The following SEZ6L variants were observed in gnomAD, a reference collection of about 807,000 sequenced individuals.
The protein encoded by SEZ6L is seizure related 6 homolog like.
In SEZ6L, 37 loss-of-function variants were observed where a neutral mutation model predicts 106.2. That is an observed-to-expected ratio of 0.35 (90% CI 0.27 to 0.46). The LOEUF (loss-of-function observed/expected upper bound fraction) is 0.46. SEZ6L is among the 20% of genes least tolerant of loss of function. SEZ6L has a pLI of 1.00. For missense variants in SEZ6L, 1,172 were observed against 1,332.8 expected (o/e 0.88, Z 1.88); for synonymous variants, 541 against 570.4 (o/e 0.95, Z 0.73).
intron 1 of SEZ6L, among the ~76,000 whole-genome samples, chr22:26,230,840 C>A (rs1187411767): frequency 6.6e-6 from 1 of 152,160 alleles, no homozygotes; most frequent in Non-Finnish European, 1.5e-5. Flanking sequence ...TCTAGGGAAC[C>A]AAAAGGAGGC....
intron 1 of SEZ6L, among the ~76,000 whole-genome samples, chr22:26,196,612 G>T (rs1167907236): frequency 1.3e-5 from 2 of 152,124 alleles, no homozygotes; most frequent in Non-Finnish European, 2.9e-5. Context: ...TTGTGTGATG[G>T]GTCTGAGCTT....
At position 26,311,025 on chromosome 22, in the gene SEZ6L, A is replaced by T. The variant is rs187371840; in HGVS notation, c.1681+189A>T. ...TAACAATGCCTATCATTAACTGTGCACTTACTACGTGCTCAGTGCCTTCTG... is the reference window on the plus strand; with the variant it reads ...TAACAATGCCTATCATTAACTGTGCTCTTACTACGTGCTCAGTGCCTTCTG... On this transcript the variant is annotated intron_variant, in intron 7 of 16. Transcript: ENST00000248933. Among the ~76,000 whole-genome samples the T allele has an allele frequency of 5.9e-5, 9 of 152,270 alleles. No individual in the cohort carries two copies. In the East Asian group the frequency reaches 1.7e-3, roughly 29 times the overall value.
In SEZ6L at chr22:26,313,881, G is replaced by A. The variant is rs150114413; in HGVS notation, c.1994G>A (p.Arg665Gln). The A allele has an allele frequency of 1.6e-4, 262 of 1,607,266 alleles. No homozygotes were observed. Among genetic ancestry groups the A allele is most frequent in the Non-Finnish European group, 2.1e-4 (241 of 1,174,234 alleles). Residue 665 changes from arginine (R) to glutamine (Q), a missense_variant, in exon 9 of 17, where the codon CGG becomes CAG. Coordinates refer to ENST00000248933, the MANE Select transcript of SEZ6L (RefSeq NM_021115.5). ...AAGATCCACGTGGGAGAAGAGAAAC[G>A]GATCTTCTTAGATATCCAGTTGTGA... ...IWKIHVGEEK[R>Q]IFLDIQFLNL... is the part of the protein sequence containing the mutation.
intron 13 of SEZ6L, among the ~76,000 whole-genome samples, chr22:26,370,004 T>G (rs115613058): frequency 1.5e-3 from 233 of 152,356 alleles, no homozygotes; most frequent in African/African-American, 5.4e-3. Flanking sequence ...GTAAACCCTC[T>G]AACTGTCACA....
intron 1 of SEZ6L, among the ~76,000 whole-genome samples, chr22:26,201,839 A>G (rs134769): frequency 0.69 from 104,510 of 152,080 alleles, 37,652 homozygotes; most frequent in African/African-American, 0.92. Context: ...ACCAATACAT[A>G]GTAACTGATA....
At chr22:26,173,950 T>C (rs1938800533) in intron 1 of SEZ6L, among the ~76,000 whole-genome samples, 1 of 152,204 alleles carries the variant, frequency 6.6e-6, no homozygotes, top group Admixed American at 6.5e-5. Flanking sequence ...TGTCATTACA[T>C]TGGTGATAAG....
intron 12 of SEZ6L, among the ~76,000 whole-genome samples, chr22:26,352,160 CAAAA>C (rs3071657): frequency 8.3e-6 from 1 of 121,168 alleles, no homozygotes. Context: ...GACCCTGCCT[CAAAA>C]AAAAAAAAAA....
intron 1 of SEZ6L, among the ~76,000 whole-genome samples, chr22:26,183,329 C>T (rs891855454): frequency 1.3e-5 from 2 of 152,160 alleles, no homozygotes; most frequent in Non-Finnish European, 2.9e-5. Flanking sequence ...AAGAACTTAT[C>T]TAACCATTCT....
chr22:26,318,872 T>C (rs2082077786), intron 9 of SEZ6L, among the ~76,000 whole-genome samples: 2 of 152,152 alleles, frequency 1.3e-5, no homozygotes, highest in South Asian at 4.1e-4. Flanking sequence ...GGGGAAAGAA[T>C]CAAACAACGA....
intron 1 of SEZ6L, among the ~76,000 whole-genome samples, chr22:26,252,772 A>G (rs1407808091): frequency 6.6e-6 from 1 of 152,240 alleles, no homozygotes; most frequent in Admixed American, 6.5e-5. Flanking sequence ...TTATGGCTGC[A>G]TAGTATTTCA....
chr22:26,364,801 T>C (rs1434169662), intron 12 of SEZ6L: 1 of 154,034 alleles, frequency 6.5e-6, no homozygotes, highest in African/African-American at 2.4e-5. Context: ...CAATTCACGG[T>C]AGGAGGCATC....
At chr22:26,203,944 G>A (rs1941142147) in intron 1 of SEZ6L, among the ~76,000 whole-genome samples, 1 of 152,186 alleles carries the variant, frequency 6.6e-6, no homozygotes, top group Non-Finnish European at 1.5e-5. Flanking sequence ...CCCTACATTT[G>A]ATGAGGCAAG....
At chr22:26,203,749 A>G (rs914925502) in intron 1 of SEZ6L, among the ~76,000 whole-genome samples, 1 of 152,130 alleles carries the variant, frequency 6.6e-6, no homozygotes, top group Admixed American at 6.5e-5. Context: ...CCCACAGTTA[A>G]CCAGGTTTGG....
intron 1 of SEZ6L, among the ~76,000 whole-genome samples, chr22:26,282,021 G>T (rs2145860888): frequency 6.6e-6 from 1 of 152,274 alleles, no homozygotes; most frequent in South Asian, 2.1e-4. Flanking sequence ...TTATCTTCTA[G>T]CCTTTTGCTG....
chr22:26,319,041 A>C (rs1393543768), intron 9 of SEZ6L, among the ~76,000 whole-genome samples: 1 of 152,092 alleles, frequency 6.6e-6, no homozygotes. Flanking sequence ...CATAATGACA[A>C]CAGGCTCTCC....
chr22:26,204,653 G>T (rs1476913233), intron 1 of SEZ6L, among the ~76,000 whole-genome samples: 1 of 152,194 alleles, frequency 6.6e-6, no homozygotes, highest in African/African-American at 2.4e-5. Flanking sequence ...TGGAAGTTTG[G>T]TAAGGCTTCC....
chr22:26,377,793 G>A lies in SEZ6L; in HGVS notation c.3045+18G>A, dbSNP rs191499202. On this transcript the variant is annotated intron_variant, in intron 16 of 16. Transcript: ENST00000248933. ...AGACAGGGGTGAGTTGGTCTCTCTCGTCTCTTCCCAATTCCCTCCCTCTTT... is the reference window on the plus strand; with the variant it reads ...AGACAGGGGTGAGTTGGTCTCTCTCATCTCTTCCCAATTCCCTCCCTCTTT... 1.8e-4 allele frequency: 270 copies of A among 1,536,692 alleles called. No homozygotes were observed. Among genetic ancestry groups the A allele is most frequent in the Middle Eastern group, 6.8e-4 (4 of 5,910 alleles).
intron 12 of SEZ6L, among the ~76,000 whole-genome samples, chr22:26,355,628 G>A (rs907047162): frequency 3.3e-5 from 5 of 152,222 alleles, no homozygotes; most frequent in African/African-American, 1.2e-4. Context: ...TACTCAGGAG[G>A]CCGAGGCAGG....
intron 1 of SEZ6L, among the ~76,000 whole-genome samples, chr22:26,281,247 C>G (rs1426273630): frequency 6.6e-6 from 1 of 152,184 alleles, no homozygotes; most frequent in Non-Finnish European, 1.5e-5. Flanking sequence ...GTATGCTCCG[C>G]CCTGCAGCCA....
Sources: gnomAD v4.1 joint callset for allele counts (sites outside exome capture counted in the v4.1 genomes callset) on GRCh38, gnomAD v4.1.1 for gene constraint, MANE v1.5 for transcripts, NCBI Gene and HGNC (gene_info 2026-07-23, HGNC 2026-07-21) for gene names.